Variants in ANKRD17 observed in about 807,000 individuals in gnomAD.
The protein encoded by ANKRD17 is ankyrin repeat domain-containing protein 17.
In ANKRD17, 19 loss-of-function variants were observed where a neutral mutation model predicts 229.7. The observed-to-expected ratio is 0.08, with a 90% CI of 0.06 to 0.12. The LOEUF is 0.12. ANKRD17 is among the 10% of genes least tolerant of loss of function. The probability of loss-of-function intolerance (pLI) is 1.00; values close to 1 mark genes in which losing one functional copy is unlikely to be tolerated. For synonymous variants in ANKRD17, 1,112 were observed against 1,146.1 expected (o/e 0.97, Z 0.60); for missense variants, 2,176 against 3,176.8 (o/e 0.68, Z 7.57).
At chr4:73,103,082 T>C (rs1724201234) in intron 24 of ANKRD17, among the ~76,000 whole-genome samples, 1 of 151,872 alleles carries the variant, frequency 6.6e-6, no homozygotes, top group African/African-American at 2.4e-5. Context: ...TGGCAATACA[T>C]GGAAACAAGG....
In ANKRD17 at chr4:73,149,099, C is replaced by G. The variant is rs201928120; in HGVS notation, c.1330-49G>C. 7 of 1,521,198 alleles carry G rather than the reference C, an allele frequency of 4.6e-6. No individual in the cohort carries two copies. The African/African-American group carries it at 9.7e-5, about 21-fold the overall frequency. The allele number at this position is 1,521,198 out of a possible 1,614,324, so 94.2% of individuals were successfully genotyped here. ...ATTAAATCAGCACCATTAAAAAAAT[C>G]TTGAAAAATTTGAAGACTTCTCAAT... On this transcript the variant is annotated intron_variant, in intron 7 of 33. Transcript: ENST00000358602.
At chr4:73,205,542 CA>C (rs532039819) in intron 1 of ANKRD17, among the ~76,000 whole-genome samples, 1 of 151,816 alleles carries the variant, frequency 6.6e-6, no homozygotes, top group East Asian at 1.9e-4. Flanking sequence ...TACTGACATG[CA>C]AAAAAATGCA....
chr4:73,230,812 T>C (rs1299724083), intron 1 of ANKRD17, among the ~76,000 whole-genome samples: 1 of 152,222 alleles, frequency 6.6e-6, no homozygotes, highest in Admixed American at 6.5e-5. Context: ...CAGTAATAGT[T>C]GTGTCTGTTG....
intron 1 of ANKRD17, among the ~76,000 whole-genome samples, chr4:73,182,392 A>G (rs1457909061): frequency 6.6e-6 from 1 of 152,178 alleles, no homozygotes; most frequent in Non-Finnish European, 1.5e-5. Flanking sequence ...ACCAGACACA[A>G]GGACCTTTAT....
At chr4:73,132,535 A>C (rs947316450) in intron 16 of ANKRD17, among the ~76,000 whole-genome samples, 4 of 152,118 alleles carry the variant, frequency 2.6e-5, no homozygotes, top group Admixed American at 6.5e-5. Context: ...ATATGGTAAA[A>C]CTCCACAGAG....
At chr4:73,080,972 G>C (rs1721501404) in intron 30 of ANKRD17, among the ~76,000 whole-genome samples, 1 of 152,172 alleles carries the variant, frequency 6.6e-6, no homozygotes, top group Admixed American at 6.5e-5. Flanking sequence ...AGAATTACTA[G>C]GCTTGCCCGC....
chr4:73,169,220 C>G (rs1241532179), intron 2 of ANKRD17: 1 of 152,122 alleles, frequency 6.6e-6, no homozygotes, highest in African/African-American at 2.4e-5. Context: ...AAACTCATGC[C>G]TGAACCTAAA....
intron 24 of ANKRD17, among the ~76,000 whole-genome samples, chr4:73,109,868 G>A (rs1438329505): frequency 6.6e-6 from 1 of 151,784 alleles, no homozygotes; most frequent in Non-Finnish European, 1.5e-5. Flanking sequence ...GGTGGTGTTG[G>A]CAGGATTATT....
intron 19 of ANKRD17, 71 bp from the exon 20 acceptor site, chr4:73,121,165 T>C (rs1212649735): frequency 2.4e-6 from 3 of 1,236,760 alleles, no homozygotes; most frequent in South Asian, 1.2e-5. Flanking sequence ...TTGGAGATGA[T>C]ATATAATTCT....
chr4:73,124,288 G>GAAA (rs59284237), intron 18 of ANKRD17, among the ~76,000 whole-genome samples: 1 of 96,230 alleles, frequency 1.0e-5, no homozygotes, highest in Non-Finnish European at 1.9e-5. Context: ...GACTGAATTT[G>GAAA]AAAAAAAAAA....
chr4:73,240,776 C>A (rs938922523), intron 1 of ANKRD17, among the ~76,000 whole-genome samples: 1 of 151,720 alleles, frequency 6.6e-6, no homozygotes, highest in Non-Finnish European at 1.5e-5. Context: ...AGTATTCAGG[C>A]CTTCAGCTTA....
At chr4:73,192,090 A>T (rs1301236501) in intron 1 of ANKRD17, among the ~76,000 whole-genome samples, 3 of 151,980 alleles carry the variant, frequency 2.0e-5, no homozygotes, top group Non-Finnish European at 4.4e-5. Context: ...TTGTCCCATC[A>T]CCTCTCATCT....
At chr4:73,094,406 G>A (rs1314465946) in intron 27 of ANKRD17, among the ~76,000 whole-genome samples, 178 bp from the exon 28 acceptor site, 1 of 152,136 alleles carries the variant, frequency 6.6e-6, no homozygotes, top group Non-Finnish European at 1.5e-5. Flanking sequence ...AGGAGCAACA[G>A]ACAGATAAGC....
At chr4:73,147,612 T>C (rs1730455807) in intron 8 of ANKRD17, among the ~76,000 whole-genome samples, 180 bp from the exon 9 acceptor site, 1 of 152,006 alleles carries the variant, frequency 6.6e-6, no homozygotes, top group Non-Finnish European at 1.5e-5. Context: ...AATAAAACTA[T>C]TAAAATCACA....
chr4:73,155,180 T>G (rs1731508645), intron 5 of ANKRD17, among the ~76,000 whole-genome samples: 1 of 152,230 alleles, frequency 6.6e-6, no homozygotes, highest in South Asian at 2.1e-4. Context: ...TAGACTAAAG[T>G]TATGCTCTTC....
intron 7 of ANKRD17, among the ~76,000 whole-genome samples, chr4:73,149,605 G>A (rs950949752): frequency 6.6e-6 from 1 of 152,090 alleles, no homozygotes; most frequent in African/African-American, 2.4e-5. Context: ...GGTGGCTCAC[G>A]CCTGTAATCT....
chr4:73,162,198 A>G (rs1389424295), intron 2 of ANKRD17, among the ~76,000 whole-genome samples: 1 of 151,962 alleles, frequency 6.6e-6, no homozygotes, highest in Non-Finnish European at 1.5e-5. Flanking sequence ...ACAGGTGTGC[A>G]CTACCATGCT....
rs540909407 is a variant in ANKRD17, at chr4:73,101,660, G to A, written c.4573+716C>T. On this transcript the variant is annotated intron_variant, in intron 25 of 33. Transcript: ENST00000358602. ...AGTCTGGGCAACAGACCAAGACTCGGTCTCAAAAAAAAAAAAAAAAAGGAT... is the reference window on the plus strand; with the variant it reads ...AGTCTGGGCAACAGACCAAGACTCGATCTCAAAAAAAAAAAAAAAAAGGAT... Among the ~76,000 whole-genome samples the A allele has an allele frequency of 3.8e-3, 102 of 26,766 alleles. 3 individuals carry two copies. The South Asian group carries it at 0.14, about 36-fold the overall frequency. 17.6% of individuals were successfully genotyped at this position (26,766 alleles called of 152,430 possible).
At chr4:73,206,576 G>A (rs1019742679) in intron 1 of ANKRD17, among the ~76,000 whole-genome samples, 111 of 152,134 alleles carry the variant, frequency 7.3e-4, no homozygotes, top group African/African-American at 2.4e-3. Context: ...GCACAGAAAT[G>A]CAAGCACTGC....
Sources: allele counts gnomAD v4.1 joint callset (sites outside exome capture counted in the v4.1 genomes callset), GRCh38; gene constraint gnomAD v4.1.1; transcripts MANE v1.5; gene names NCBI Gene and HGNC (gene_info 2026-07-23, HGNC 2026-07-21).